The following ATP11B variants were observed in gnomAD, a reference collection of about 807,000 sequenced individuals.
The protein encoded by ATP11B is ATPase phospholipid transporting 11B (putative).
A neutral mutation model predicts 157.8 loss-of-function variants in ATP11B; 81 were observed. The observed-to-expected ratio is 0.51, with a 90% CI of 0.43 to 0.62. The LOEUF is 0.62. Among genes scored for constraint, ATP11B ranks in the 20% least tolerant of loss-of-function variants. The pLI, the probability that ATP11B is intolerant of heterozygous loss-of-function variation, is 0.00. For missense variants in ATP11B, 1,165 were observed against 1,402.2 expected, an observed-to-expected ratio of 0.83 and a Z score of 2.70; for synonymous variants, 451 against 469.4, an observed-to-expected ratio of 0.96 and a Z score of 0.51.
chr3:182,832,007 T>C lies in ATP11B; in HGVS notation c.315+2255T>C, dbSNP rs1718185962. Among the ~76,000 whole-genome samples, 3 of 152,168 alleles carry C rather than the reference T, an allele frequency of 2.0e-5. No individual in the cohort carries two copies. The South Asian group carries it at 6.2e-4, about 31-fold the overall frequency. On this transcript the variant is annotated intron_variant, in intron 4 of 29. Transcript: ENST00000323116. ...AACTTATTGGATATTTTTAAAGCCA[T>C]GTAAAATGTTGCAATACCTCTTGTC... is the stretch of plus-strand genomic sequence containing the variant.
chr3:182,806,899 G>A (rs1037662119), intron 1 of ATP11B, among the ~76,000 whole-genome samples: 2 of 151,990 alleles, frequency 1.3e-5, no homozygotes, highest in African/African-American at 2.4e-5. Flanking sequence ...GTGCAGAGGG[G>A]GTACTGCTGA....
At chr3:182,856,771 T>A (rs549274005) in intron 10 of ATP11B, among the ~76,000 whole-genome samples, 2 of 152,144 alleles carry the variant, frequency 1.3e-5, no homozygotes, top group Admixed American at 1.3e-4. Flanking sequence ...GCTTACTCCA[T>A]AGTTAAGATT....
In ATP11B at chr3:182,915,509, A is replaced by G. The variant is rs551382518; in HGVS notation, c.3452+1515A>G. On this transcript the variant is annotated intron_variant, in intron 29 of 29. Coordinates refer to ENST00000323116, the MANE Select transcript of ATP11B (RefSeq NM_014616.3). ...TAATAACATAGCTTCATTGCACAGA[A>G]TCAAGATAGGAGTTAGACTAAGATA... is the stretch of plus-strand genomic sequence containing the variant. The G allele has an allele frequency of 4.1e-6, 4 of 984,316 alleles. No individual in the cohort carries two copies. The South Asian group carries it at 1.9e-4, about 46-fold the overall frequency. The allele number at this position is 984,316 out of a possible 1,614,324, so 61.0% of individuals were successfully genotyped here.
At chr3:182,814,423 A>T (rs1716851089) in intron 1 of ATP11B, among the ~76,000 whole-genome samples, 1 of 152,188 alleles carries the variant, frequency 6.6e-6, no homozygotes, top group Non-Finnish European at 1.5e-5. Context: ...GAAACTCAGA[A>T]TGTGAAAACT....
At chr3:182,888,261 C>T (rs1444106270) in intron 24 of ATP11B, among the ~76,000 whole-genome samples, 1 of 152,140 alleles carries the variant, frequency 6.6e-6, no homozygotes, top group Non-Finnish European at 1.5e-5. Flanking sequence ...ATAGAGTCAT[C>T]TCATTATCTA....
intron 4 of ATP11B, among the ~76,000 whole-genome samples, chr3:182,831,596 T>G (rs1001435165): frequency 1.3e-5 from 2 of 151,648 alleles, no homozygotes; most frequent in Admixed American, 6.6e-5. Flanking sequence ...TTAAACTCAC[T>G]GTGCTGCAGC....
chr3:182,821,438 G>T (rs1717341037), intron 2 of ATP11B, among the ~76,000 whole-genome samples: 1 of 152,164 alleles, frequency 6.6e-6, no homozygotes, highest in Non-Finnish European at 1.5e-5. Context: ...GTTCTGTGTT[G>T]CTTTAAAGTC....
chr3:182,892,575 T>C (rs1460005675), intron 25 of ATP11B, among the ~76,000 whole-genome samples: 1 of 150,206 alleles, frequency 6.7e-6, no homozygotes, highest in Non-Finnish European at 1.5e-5. Flanking sequence ...ACTTTATCCC[T>C]TTTTTTTTGT....
intron 4 of ATP11B, among the ~76,000 whole-genome samples, chr3:182,832,021 A>G (rs994739950): frequency 1.8e-4 from 28 of 152,290 alleles, no homozygotes; most frequent in Admixed American, 3.3e-4. Flanking sequence ...AAATGTTGCA[A>G]TACCTCTTGT....
At chr3:182,876,244 A>C (rs1042272599) in intron 19 of ATP11B, among the ~76,000 whole-genome samples, 1 of 152,202 alleles carries the variant, frequency 6.6e-6, no homozygotes, top group Non-Finnish European at 1.5e-5. Flanking sequence ...TTCTGATTAT[A>C]AAAATAATAA....
At chr3:182,856,837 C>T (rs1577029953) in intron 10 of ATP11B, among the ~76,000 whole-genome samples, 1 of 152,094 alleles carries the variant, frequency 6.6e-6, no homozygotes, top group Non-Finnish European at 1.5e-5. Context: ...ATTTTTCAGT[C>T]TTTTAAAGAG....
chr3:182,902,135 C>A (rs1724010734), intron 28 of ATP11B, among the ~76,000 whole-genome samples: 1 of 152,030 alleles, frequency 6.6e-6, no homozygotes, highest in African/African-American at 2.4e-5. Flanking sequence ...AGCTTTATGT[C>A]ATTCCTGATT....
intron 2 of ATP11B, among the ~76,000 whole-genome samples, chr3:182,823,066 C>T (rs889847847): frequency 1.3e-5 from 2 of 152,146 alleles, no homozygotes; most frequent in African/African-American, 2.4e-5. Flanking sequence ...CTGTAGGTTG[C>T]CTGTTCACTC....
At chr3:182,799,490 TG>T (rs1258149703) in intron 1 of ATP11B, among the ~76,000 whole-genome samples, 5 of 151,984 alleles carry the variant, frequency 3.3e-5, no homozygotes, top group Non-Finnish European at 7.4e-5. Flanking sequence ...GTTACCAGGA[TG>T]GTCTCGATCT....
chr3:182,879,489 C>T lies in ATP11B; in HGVS notation c.2253-7C>T. 6.3e-7 allele frequency: 1 copy of T among 1,592,504 alleles called. No individual in the cohort carries two copies. The highest frequency in any genetic ancestry group is 8.5e-7 in the Non-Finnish European group (1 of 1,172,912). ...CTTACAGAGAATATAATTATTTTCT[C>T]TTTTAGAATTACAGAGGATCATGTG... On this transcript the variant is annotated splice_region_variant and splice_polypyrimidine_tract_variant and intron_variant, in intron 19 of 29. Transcript: ENST00000323116.
intron 1 of ATP11B, among the ~76,000 whole-genome samples, chr3:182,801,317 T>C (rs1715997338): frequency 6.6e-6 from 1 of 152,204 alleles, no homozygotes; most frequent in African/African-American, 2.4e-5. Context: ...TAGGATGATA[T>C]GCATAGGTAT....
intron 10 of ATP11B, among the ~76,000 whole-genome samples, chr3:182,857,348 C>T (rs1448764270): frequency 6.6e-6 from 1 of 152,034 alleles, no homozygotes. Context: ...GGGGTTTCAT[C>T]GTGTTAACCA....
intron 1 of ATP11B, among the ~76,000 whole-genome samples, chr3:182,810,263 T>C (rs9870031): frequency 0.71 from 107,174 of 151,756 alleles, 38,293 homozygotes; most frequent in Non-Finnish European, 0.76. Flanking sequence ...ACCCAGGAGG[T>C]GGAGGTTGCA....
chr3:182,813,625 T>A (rs1410172265), intron 1 of ATP11B, among the ~76,000 whole-genome samples: 1 of 152,196 alleles, frequency 6.6e-6, no homozygotes, highest in Non-Finnish European at 1.5e-5. Context: ...ATACTAGTAA[T>A]GGTATATTTC....
Sources: gnomAD v4.1 joint callset for allele counts (sites outside exome capture counted in the v4.1 genomes callset) on GRCh38, gnomAD v4.1.1 for gene constraint, MANE v1.5 for transcripts, NCBI Gene and HGNC (gene_info 2026-07-23, HGNC 2026-07-21) for gene names.